The following RTN2 variants were observed in gnomAD, a reference collection of about 807,000 sequenced individuals.
RTN2 encodes the protein reticulon-2.
A neutral mutation model predicts 63.7 loss-of-function variants in RTN2; 36 were observed. That is an observed-to-expected ratio of 0.56 (90% confidence interval 0.43 to 0.75). RTN2 has a LOEUF of 0.75. Ranked by LOEUF, RTN2 falls within the 30% of genes least tolerant of loss-of-function variation. The pLI is 0.00. For synonymous variants in RTN2, 312 were observed against 313.0 expected, an observed-to-expected ratio of 1.00 and a Z score of 0.03; for missense variants, 673 against 705.1, an observed-to-expected ratio of 0.95 and a Z score of 0.52.
chr19:45,490,535 C>CTGTGTGTGTGTGTGTG (rs56279132), intron 5 of RTN2, among the ~76,000 whole-genome samples: 173 of 145,852 alleles, frequency 1.2e-3, no homozygotes, highest in Non-Finnish European at 1.7e-3. Context: ...GGTTGTGTGT[C>CTGTGTGTGTGTGTGTG]TGTGTGTGTG....
intron 9 of RTN2, 89 bp from the exon 10 acceptor site, chr19:45,486,202 AAT>A: frequency 8.4e-7 from 1 of 1,187,690 alleles, no homozygotes; most frequent in Non-Finnish European, 1.2e-6. Context: ...CCAACCTCCA[AAT>A]TAGGAGTTGT....
chr19:45,485,772 G>A lies in RTN2; in HGVS notation c.1574C>T (p.Pro525Leu), dbSNP rs752841519. ...HIKAKIRAKI[P>L]GTGALASAAA... ...TGCAGAGGCCAGGGCTCCGGTCCCT[G>A]GGATTTTAGCTCGGATCCTGAAGGA... Residue 525 changes from proline to leucine, a missense_variant, in exon 11 of 11, where the codon CCA (proline) becomes CTA (leucine). Pro to Leu is a moderately conservative substitution (Grantham distance 98, BLOSUM62 -3). Coordinates refer to ENST00000245923, the MANE Select transcript of RTN2 (RefSeq NM_005619.5). The A allele has an allele frequency of 3.1e-6, 5 of 1,613,984 alleles. No homozygotes were observed. Among genetic ancestry groups the A allele is most frequent in the Non-Finnish European group, 4.2e-6 (5 of 1,179,906 alleles).
At position 45,490,737 on chromosome 19, in the gene RTN2, C is replaced by T. The variant is rs116988762; in HGVS notation, c.1034-1184G>A. On this transcript the variant is annotated intron_variant, in intron 5 of 10. Transcript: ENST00000245923. ...GATTACAGGAGGGCTCCACCACACC[C>T]GGCTAATTTTTTATATTTTGGTAGA... Among the ~76,000 whole-genome samples, 1,085 of 150,860 alleles carry T rather than the reference C, an allele frequency of 7.2e-3. 22 individuals are homozygous for T. The highest frequency in any genetic ancestry group is 0.041 in the Admixed American group (625 of 15,120).
In RTN2 at chr19:45,488,875, C is replaced by T; in HGVS notation, c.1353G>A (p.Leu451=). 1.2e-6 allele frequency: 2 copies of T among 1,604,120 alleles called. No homozygotes were observed. The highest frequency in any genetic ancestry group is 2.2e-5 in the South Asian group (2 of 89,254). ...SAATQLRHFF[L]VEDLVDSLKL... ...TGAGGGAATCCACGAGGTCTTCTAC[C>T]AGGAAGAAGTGCCGCAGCTGCGTGG... The change falls in exon 7 of 11, where the codon CTG becomes CTA. Residue 451 remains leucine (L), a synonymous_variant. Transcript: ENST00000245923.
chr19:45,488,043 A>C (rs1291913789), intron 9 of RTN2, among the ~76,000 whole-genome samples: 1 of 148,166 alleles, frequency 6.7e-6, no homozygotes, highest in Non-Finnish European at 1.5e-5. Context: ...ACTTGAGGTT[A>C]GGAGTTTGAG....
At chr19:45,486,717 T>C (rs1380228803) in intron 9 of RTN2, among the ~76,000 whole-genome samples, 1 of 148,262 alleles carries the variant, frequency 6.7e-6, no homozygotes, top group East Asian at 2.0e-4. Context: ...TGTTCTTTTT[T>C]TTTTCTTTTT....
intron 5 of RTN2, 69 bp downstream of exon 5, chr19:45,493,091 G>T: frequency 7.2e-7 from 1 of 1,394,098 alleles, no homozygotes; most frequent in Non-Finnish European, 1.0e-6. Context: ...GGATGTGCAG[G>T]AGATAAGGGC....
At chr19:45,491,338 G>T (rs1968155172) in intron 5 of RTN2, among the ~76,000 whole-genome samples, 1 of 150,000 alleles carries the variant, frequency 6.7e-6, no homozygotes, top group Non-Finnish European at 1.5e-5. Flanking sequence ...GGGACTACAG[G>T]TGGCACCACG....
At position 45,488,990 on chromosome 19, in the gene RTN2, C is replaced by T. The variant is rs761145953; in HGVS notation, c.1242-4G>A. ...GAGGTCCACATCCAGGTAGGCCCTG[C>T]GGGGACAAAGGAGTGTGGGGCGACT... On this transcript the variant is annotated splice_region_variant and splice_polypyrimidine_tract_variant and intron_variant, in intron 6 of 10. Coordinates refer to ENST00000245923, the MANE Select transcript of RTN2 (RefSeq NM_005619.5). The T allele has an allele frequency of 4.3e-5, 70 of 1,609,630 alleles. No homozygotes were observed. The highest frequency in any genetic ancestry group is 8.4e-5 in the Admixed American group (5 of 59,452).
rs1199498683 is a variant in RTN2, at chr19:45,494,471, A to G, written c.560-51T>C. ...TGAGCTTTCTTCTTGGAGGTGCCCCAAGGAGAAACCACCCACCCCTCTTGG... is the reference window on the plus strand; with the variant it reads ...TGAGCTTTCTTCTTGGAGGTGCCCCGAGGAGAAACCACCCACCCCTCTTGG... On this transcript the variant is annotated intron_variant, in intron 3 of 10. Coordinates refer to ENST00000245923, the MANE Select transcript of RTN2 (RefSeq NM_005619.5). This position sits in a 1 kb window ranked among gnomAD's most constrained non-coding sequence, Gnocchi z 5.3. 1.2e-6 allele frequency: 2 copies of G among 1,603,788 alleles called. No individual in the cohort carries two copies. Among genetic ancestry groups the G allele is most frequent in the Non-Finnish European group, 1.7e-6 (2 of 1,173,496 alleles).
intron 1 of RTN2, among the ~76,000 whole-genome samples, chr19:45,496,023 C>CTGA (rs1335613526): frequency 6.6e-6 from 1 of 152,150 alleles, no homozygotes; most frequent in Non-Finnish European, 1.5e-5. Flanking sequence ...GTCAGAACCC[C>CTGA]CATGTGTGGG....
At chr19:45,495,965 C>A (rs575659239) in intron 1 of RTN2, among the ~76,000 whole-genome samples, 5 of 152,130 alleles carry the variant, frequency 3.3e-5, no homozygotes, top group Admixed American at 6.6e-5. Context: ...CATCTGGACA[C>A]GCGAGACATG....
chr19:45,494,603 G>T lies in RTN2; in HGVS notation c.482C>A (p.Ser161Tyr), dbSNP rs770628974. 4 of 1,614,044 alleles carry T rather than the reference G, an allele frequency of 2.5e-6. No individual in the cohort carries two copies. The highest frequency in any genetic ancestry group is 3.4e-6 in the Non-Finnish European group (4 of 1,180,028). ...TTCCAGCGGGGTGGAGCTGCTGGTG[G>T]AAGAGTCCTCCCCGGATCCCGTTCC... The part of the protein sequence containing the change: ...ARGTGSGEDS[S>Y]TSSSTPLEDE... Residue 161 changes from serine (S) to tyrosine (Y), a missense_variant, in exon 3 of 11, where the codon TCC becomes TAC. Ser to Tyr is a moderately radical substitution (Grantham distance 144). Transcript: ENST00000245923. This position sits in a 1 kb window ranked among gnomAD's most constrained non-coding sequence, Gnocchi z 5.3.
Position 45,494,463 on chromosome 19 carries a change from G to A in RTN2, c.560-43C>T, listed in dbSNP as rs1464431100. The A allele has an allele frequency of 1.2e-6, 2 of 1,602,834 alleles. No individual in the cohort carries two copies. Among genetic ancestry groups the A allele is most frequent in the African/African-American group, 2.7e-5 (2 of 74,498 alleles). ...GGAGGCCGTGAGCTTTCTTCTTGGAGGTGCCCCAAGGAGAAACCACCCACC... is the reference window on the plus strand; with the variant it reads ...GGAGGCCGTGAGCTTTCTTCTTGGAAGTGCCCCAAGGAGAAACCACCCACC... On this transcript the variant is annotated intron_variant, in intron 3 of 10. Transcript: ENST00000245923. This position sits in a 1 kb window ranked among gnomAD's most constrained non-coding sequence, Gnocchi z 5.3.
chr19:45,493,239 C>T lies in RTN2; in HGVS notation c.954G>A (p.Arg318=). ...RGPTPPTPVL[R]VLLKWAKSPR... The stretch of plus-strand genomic sequence containing the variant: ...GGGATTTTGCCCACTTCAGTAGAAC[C>T]CGGAGGACAGGAGTAGGGGGGGTGG... Residue 318 remains arginine (R), a synonymous_variant, in exon 5 of 11, where the codon CGG becomes CGA. Coordinates refer to ENST00000245923, the MANE Select transcript of RTN2 (RefSeq NM_005619.5). The T allele has an allele frequency of 3.7e-6, 6 of 1,613,876 alleles. No individual in the cohort carries two copies. Among genetic ancestry groups the T allele is most frequent in the Non-Finnish European group, 5.1e-6 (6 of 1,180,024 alleles).
At chr19:45,489,120 T>C (rs573839361) in intron 6 of RTN2, 134 bp from the exon 7 acceptor site, 12 of 1,078,702 alleles carry the variant, frequency 1.1e-5, no homozygotes, top group Non-Finnish European at 1.5e-5. Context: ...CTCAGAGGAA[T>C]CATATGTAGA....
At chr19:45,485,839 G>T in intron 10 of RTN2, 50 bp from the exon 11 acceptor site, 1 of 1,454,480 alleles carries the variant, frequency 6.9e-7, no homozygotes, top group Non-Finnish European at 9.7e-7. Flanking sequence ...GACGCGGGGT[G>T]GGCATCTGGG....
At chr19:45,490,291 C>T (rs1356900854) in intron 5 of RTN2, among the ~76,000 whole-genome samples, 1 of 152,120 alleles carries the variant, frequency 6.6e-6, no homozygotes, top group Non-Finnish European at 1.5e-5. Context: ...TGTGCTACCG[C>T]GCCTGGCCTT....
At position 45,485,399 on chromosome 19, in the gene RTN2, G is replaced by A; in HGVS notation, c.*309C>T. On this transcript the variant is annotated 3_prime_UTR_variant, in exon 11 of 11. Transcript: ENST00000245923. ...CTAGTAGCATCCAGGAGACACCAACGCCTCACGGCGCCTCCAGCGGCGGGT... is the reference window on the plus strand; with the variant it reads ...CTAGTAGCATCCAGGAGACACCAACACCTCACGGCGCCTCCAGCGGCGGGT... 2.5e-6 allele frequency: 1 copy of A among 399,090 alleles called. No individual in the cohort carries two copies. Among genetic ancestry groups the A allele is most frequent in the South Asian group, 3.5e-5 (1 of 28,862 alleles). 24.7% of individuals were successfully genotyped at this position (399,090 alleles called of 1,614,324 possible).
Sources: gnomAD v4.1 joint callset for allele counts (sites outside exome capture counted in the v4.1 genomes callset) on GRCh38, gnomAD v4.1.1 for gene constraint, Gnocchi (gnomAD v3.1) non-coding constraint, MANE v1.5 for transcripts, NCBI Gene and HGNC (gene_info 2026-07-23, HGNC 2026-07-21) for gene names.